The following ERP27 variants were observed in gnomAD, a reference collection of about 807,000 sequenced individuals.
ERP27 encodes endoplasmic reticulum resident protein 27.
In ERP27, 23 loss-of-function variants were observed where a neutral mutation model predicts 27.7. The observed-to-expected ratio is 0.83, with a 90% CI of 0.60 to 1.18. ERP27 has a LOEUF of 1.18. Ranked by LOEUF, ERP27 falls within the 50% of genes most tolerant of loss-of-function variation. The probability of loss-of-function intolerance (pLI) is 0.00; values close to 1 mark genes in which losing one functional copy is unlikely to be tolerated. For synonymous variants in ERP27, 159 were observed against 118.3 expected, an observed-to-expected ratio of 1.34 and a Z score of -2.23; for missense variants, 363 against 327.9, an observed-to-expected ratio of 1.11 and a Z score of -0.83.
intron 3 of ERP27, among the ~76,000 whole-genome samples, chr12:14,922,813 C>T (rs769177477): frequency 1.1e-4 from 16 of 152,144 alleles, no homozygotes; most frequent in Non-Finnish European, 2.1e-4. Context: ...CGGTGGCTCA[C>T]GCCTGTAATC....
At chr12:14,927,968 A>G (rs574380369) in intron 3 of ERP27, among the ~76,000 whole-genome samples, 1 of 152,090 alleles carries the variant, frequency 6.6e-6, no homozygotes, top group African/African-American at 2.4e-5. Context: ...CCTCACCCCA[A>G]TCTACTCATA....
At position 14,938,054 on chromosome 12, in the gene ERP27, TAG is replaced by T. The variant is rs747607174; in HGVS notation, c.95-4_95-3del. The T allele has an allele frequency of 4.3e-6, 7 of 1,612,784 alleles. No homozygotes were observed. The highest frequency in any genetic ancestry group is 1.3e-5 in the African/African-American group (1 of 74,866). On this transcript the variant is annotated splice_region_variant and splice_polypyrimidine_tract_variant and intron_variant, in intron 1 of 6. Coordinates refer to ENST00000266397, the MANE Select transcript of ERP27 (RefSeq NM_152321.4). ...GTTCCTGGGCAGCACCAGGACCATC[TAG>T]AGAGAGAAGCAGAAGATGTCAGGGT... is the stretch of plus-strand genomic sequence containing the variant.
intron 3 of ERP27, among the ~76,000 whole-genome samples, chr12:14,924,966 A>G (rs1217100996): frequency 6.6e-6 from 1 of 152,222 alleles, no homozygotes; most frequent in African/African-American, 2.4e-5. Flanking sequence ...TACAACTGCC[A>G]TGGCAATGTC....
intron 5 of ERP27, 141 bp downstream of exon 5, chr12:14,917,037 A>G (rs1863420890): frequency 1.1e-6 from 1 of 911,888 alleles, no homozygotes; most frequent in East Asian, 2.5e-5. Flanking sequence ...AAATAATGTG[A>G]TTTATTATGT....
intron 3 of ERP27, chr12:14,929,230 C>G (rs879385404): frequency 2.0e-6 from 2 of 989,130 alleles, no homozygotes; most frequent in Admixed American, 3.6e-5. Context: ...TGTTTCTGGA[C>G]TTAAAGAATG....
At chr12:14,938,113 G>A in intron 1 of ERP27, 61 bp from the exon 2 acceptor site, 2 of 1,356,930 alleles carry the variant, frequency 1.5e-6, no homozygotes, top group Non-Finnish European at 1.1e-6. Context: ...TCTAAATAAT[G>A]AGGGCATCTA....
intron 1 of ERP27, 56 bp from the exon 2 acceptor site, chr12:14,938,108 A>G: frequency 7.2e-7 from 1 of 1,397,334 alleles, no homozygotes. Context: ...GCAGCTCTAA[A>G]TAATGAGGGC....
chr12:14,923,365 T>G (rs1049204588), intron 3 of ERP27, among the ~76,000 whole-genome samples: 2 of 151,554 alleles, frequency 1.3e-5, no homozygotes, highest in African/African-American at 4.8e-5. Context: ...ATTATCTTAT[T>G]AAAAAAATCT....
intron 3 of ERP27, chr12:14,928,927 C>G (rs1366458286): frequency 3.9e-6 from 6 of 1,534,338 alleles, no homozygotes; most frequent in Non-Finnish European, 5.2e-6. Flanking sequence ...CCTCTAGATA[C>G]TTAATGCTGC....
Position 14,921,059 on chromosome 12 carries a change from C to T in ERP27, c.334-11G>A. The stretch of plus-strand genomic sequence containing the variant: ...TTGTTCATTGTCTACCTGGATAACA[C>T]AAAAAAGAATGAAGTCACTATTCCA... On this transcript the variant is annotated splice_polypyrimidine_tract_variant and intron_variant, in intron 3 of 6. Transcript: ENST00000266397. 3 of 1,601,920 alleles carry T rather than the reference C, an allele frequency of 1.9e-6. No homozygotes were observed. The highest frequency in any genetic ancestry group is 1.7e-4 in the Middle Eastern group (1 of 6,024).
At chr12:14,936,437 G>A (rs1863774480) in intron 2 of ERP27, among the ~76,000 whole-genome samples, 1 of 152,100 alleles carries the variant, frequency 6.6e-6, no homozygotes, top group African/African-American at 2.4e-5. Flanking sequence ...CTGCTCTCAC[G>A]GGACCTTTAT....
chr12:14,926,436 A>G (rs190952299), intron 3 of ERP27, among the ~76,000 whole-genome samples: 1 of 152,374 alleles, frequency 6.6e-6, no homozygotes, highest in Admixed American at 6.5e-5. Flanking sequence ...TATTTCCACG[A>G]AATGAAATTA....
intron 4 of ERP27, among the ~76,000 whole-genome samples, chr12:14,918,221 T>A (rs1863444193): frequency 6.6e-6 from 1 of 152,172 alleles, no homozygotes; most frequent in African/African-American, 2.4e-5. Flanking sequence ...TCACACCAGG[T>A]GGTCTAGCTC....
chr12:14,925,865 C>A (rs752344347), intron 3 of ERP27, among the ~76,000 whole-genome samples: 1 of 151,926 alleles, frequency 6.6e-6, no homozygotes, highest in Admixed American at 6.6e-5. Context: ...GTCAGGAGAT[C>A]GAGACCATCC....
Position 14,914,558 on chromosome 12 carries a change from CTGTGTGTG to C in ERP27, c.*169_*176del. On this transcript the variant is annotated 3_prime_UTR_variant, in exon 7 of 7. Transcript: ENST00000266397. The stretch of plus-strand genomic sequence containing the variant: ...AGATTTTAAGACAGGAAATGAAGCT[CTGTGTGTG>C]TGTGTGTGTGTGCGTGTGTGTGTGC... 2 of 353,620 alleles carry C rather than the reference CTGTGTGTG, an allele frequency of 5.7e-6. No homozygotes were observed. Among genetic ancestry groups the C allele is most frequent in the East Asian group, 4.7e-5 (1 of 21,058 alleles). 21.9% of individuals were successfully genotyped at this position (353,620 alleles called of 1,614,324 possible).
chr12:14,936,761 C>A (rs565769943), intron 2 of ERP27, among the ~76,000 whole-genome samples: 1 of 152,114 alleles, frequency 6.6e-6, no homozygotes, highest in Non-Finnish European at 1.5e-5. Context: ...CTCCTGCCAT[C>A]CTGTGAAGAG....
chr12:14,937,970 A>G lies in ERP27; in HGVS notation c.177T>C (p.Ala59=). 1 of 1,613,954 alleles carries G rather than the reference A, an allele frequency of 6.2e-7. No homozygotes were observed. Among genetic ancestry groups the G allele is most frequent in the Non-Finnish European group, 8.5e-7 (1 of 1,179,828 alleles). Residue 59 remains alanine, a synonymous_variant, in exon 2 of 7, where the codon GCT becomes GCC. Coordinates refer to ENST00000266397, the MANE Select transcript of ERP27 (RefSeq NM_152321.4). ...AACTAACCTGGAAGAAGCCTATGACAGCCACCTCAGTGGCAGCAATGAATT... is the reference window on the plus strand; with the variant it reads ...AACTAACCTGGAAGAAGCCTATGACGGCCACCTCAGTGGCAGCAATGAATT... ...AMEFIAATEV[A]VIGFFQDLEI... is the part of the protein sequence containing the mutation.
chr12:14,920,819 T>C, intron 4 of ERP27, 113 bp downstream of exon 4: 3 of 764,766 alleles, frequency 3.9e-6, no homozygotes. Context: ...AACAATACAG[T>C]ATTGTATTGG....
Position 14,917,231 on chromosome 12 carries a change from A to AAGAGGC in ERP27, c.522_523insGCCTCT (p.Glu174_Tyr175insAlaSer), listed in dbSNP as rs1863424421. The AAGAGGC allele has an allele frequency of 1.2e-6, 2 of 1,613,832 alleles. No homozygotes were observed. Among genetic ancestry groups the AAGAGGC allele is most frequent in the African/African-American group, 2.7e-5 (2 of 74,828 alleles). ...TGGTATCTGTGCATGTTCTCTTCAT[A>AAGAGGC]CTCTGGGGAGGCCTTGTTCATTATC... On this transcript the variant is annotated inframe_insertion, in exon 5 of 7. Coordinates refer to ENST00000266397, the MANE Select transcript of ERP27 (RefSeq NM_152321.4).
Sources: allele counts gnomAD v4.1 joint callset (sites outside exome capture counted in the v4.1 genomes callset), GRCh38; gene constraint gnomAD v4.1.1; transcripts MANE v1.5; gene names NCBI Gene and HGNC (gene_info 2026-07-23, HGNC 2026-07-21).